The following PROM1 variants were observed in gnomAD, a reference collection of about 807,000 sequenced individuals.
The protein encoded by PROM1 is prominin-1.
PROM1 carries 105 observed loss-of-function variants against 116.9 expected under a neutral mutation model. That is an observed-to-expected ratio of 0.90 (90% CI 0.77 to 1.06). The LOEUF (loss-of-function observed/expected upper bound fraction) is 1.06. Ranked by LOEUF, PROM1 falls within the 50% of genes least tolerant of loss-of-function variation. The pLI, the probability that PROM1 is intolerant of heterozygous loss-of-function variation, is 0.00. For synonymous variants in PROM1, 393 were observed against 387.0 expected (o/e 1.02, Z -0.18); for missense variants, 1,122 against 1,045.2 (o/e 1.07, Z -1.01).
At chr4:16,049,126 A>T (rs1361564003) in intron 2 of PROM1, among the ~76,000 whole-genome samples, 1 of 152,236 alleles carries the variant, frequency 6.6e-6, no homozygotes, top group Non-Finnish European at 1.5e-5. Flanking sequence ...CACTGCCAAA[A>T]TATTTGTGGA....
chr4:16,039,569 C>T (rs1301338448), intron 2 of PROM1, among the ~76,000 whole-genome samples: 2 of 152,106 alleles, frequency 1.3e-5, no homozygotes, highest in Admixed American at 1.3e-4. Flanking sequence ...GAAACTCCGT[C>T]TCTACTAAAA....
chr4:16,082,157 A>G (rs1745162108), intron 1 of PROM1: 1 of 152,152 alleles, frequency 6.6e-6, no homozygotes, highest in South Asian at 2.1e-4. Context: ...GCTAGCATCA[A>G]TACTCTGAGC....
chr4:16,038,909 C>T lies in PROM1; in HGVS notation c.276+37G>A, dbSNP rs774639107. 309 of 1,439,300 alleles carry T rather than the reference C, an allele frequency of 2.1e-4. 1 individual carries two copies. Among genetic ancestry groups the T allele is most frequent in the Non-Finnish European group, 2.3e-4 (250 of 1,092,300 alleles). 89.2% of individuals were successfully genotyped at this position (1,439,300 alleles called of 1,614,324 possible). On this transcript the variant is annotated intron_variant, in intron 3 of 27. Coordinates refer to ENST00000447510, the MANE Select transcript of PROM1 (RefSeq NM_006017.3). ...GTCAGCCAAAATTTTTCTCATACTT[C>T]GTATTTTTAATAATAAATACACCAA...
At chr4:16,021,098 C>CAAAA (rs34850856) in intron 8 of PROM1, among the ~76,000 whole-genome samples, 14,649 of 129,778 alleles carry the variant, frequency 0.11, 998 homozygotes, top group African/African-American at 0.13. Flanking sequence ...CATTTTTAGC[C>CAAAA]AAAAAAAAAA....
At chr4:15,992,141 TA>T (rs1721213524) in intron 17 of PROM1, 106 bp downstream of exon 17, 1 of 1,431,448 alleles carries the variant, frequency 7.0e-7, no homozygotes. Context: ...AAAATAGTCT[TA>T]CATCATGTGA....
At chr4:16,063,128 A>G (rs948090181) in intron 2 of PROM1, among the ~76,000 whole-genome samples, 3 of 152,194 alleles carry the variant, frequency 2.0e-5, no homozygotes, top group Non-Finnish European at 2.9e-5. Context: ...TCTGATCTCT[A>G]TAAGTACTAG....
intron 13 of PROM1, chr4:16,003,265 T>A: frequency 2.2e-6 from 1 of 456,684 alleles, no homozygotes; most frequent in South Asian, 1.5e-5. Context: ...GTAGGCTGTT[T>A]CCAGTGCTTC....
At chr4:16,025,465 C>T (rs1423698356) in intron 5 of PROM1, among the ~76,000 whole-genome samples, 153 bp from the exon 6 acceptor site, 2 of 152,188 alleles carry the variant, frequency 1.3e-5, no homozygotes, top group Non-Finnish European at 2.9e-5. Flanking sequence ...TCCTTCCCAC[C>T]GCCATCCCAC....
At chr4:15,972,759 T>C (rs1247148215) in intron 26 of PROM1, among the ~76,000 whole-genome samples, 3 of 151,986 alleles carry the variant, frequency 2.0e-5, no homozygotes, top group Non-Finnish European at 4.4e-5. Flanking sequence ...AATAAAGCAA[T>C]AAAATAAAGA....
chr4:16,002,337 G>A (rs1317981012), intron 13 of PROM1, among the ~76,000 whole-genome samples: 4 of 152,164 alleles, frequency 2.6e-5, no homozygotes, highest in African/African-American at 4.8e-5. Context: ...TACCCGGTGC[G>A]TAGCTTTTCT....
chr4:16,016,042 C>T, intron 10 of PROM1, 124 bp downstream of exon 10: 1 of 827,498 alleles, frequency 1.2e-6, no homozygotes, highest in Admixed American at 2.5e-5. Flanking sequence ...TAATAGCTAT[C>T]ACCCTTCTTG....
At chr4:16,073,118 A>G (rs2149571812) in intron 2 of PROM1, among the ~76,000 whole-genome samples, 1 of 152,210 alleles carries the variant, frequency 6.6e-6, no homozygotes, top group East Asian at 1.9e-4. Context: ...CTCCACTGCA[A>G]TTCCTCTAAA....
rs1382741685 is a variant in PROM1 at position 15,979,971 on chromosome 4, TC to T, written c.2490-68del. 4.2e-6 allele frequency: 4 copies of T among 946,638 alleles called. 1 individual carries two copies. Among genetic ancestry groups the T allele is most frequent in the Non-Finnish European group, 6.3e-6 (4 of 631,150 alleles). The allele number at this position is 946,638 out of a possible 1,614,324, so 58.6% of individuals were successfully genotyped here. A position where few individuals can be genotyped will look rare whatever the true frequency, so the allele number is the denominator to read the frequency against. On this transcript the variant is annotated intron_variant, in intron 24 of 27. Coordinates refer to ENST00000447510, the MANE Select transcript of PROM1 (RefSeq NM_006017.3). ...TTATTATGAAAGCTCAGCAACTACATCCCCCAAATATTTACTCTAACACGGA... is the reference window on the plus strand; with the variant it reads ...TTATTATGAAAGCTCAGCAACTACATCCCCAAATATTTACTCTAACACGGA...
chr4:16,002,253 A>G (rs1024086589), intron 13 of PROM1, among the ~76,000 whole-genome samples: 8 of 152,198 alleles, frequency 5.3e-5, no homozygotes, highest in African/African-American at 1.4e-4. Flanking sequence ...CAAAAGAAAT[A>G]AAAGAAAAGA....
intron 5 of PROM1, among the ~76,000 whole-genome samples, chr4:16,026,443 C>T (rs1731303210): frequency 6.6e-6 from 1 of 150,966 alleles, no homozygotes; most frequent in Non-Finnish European, 1.5e-5. Flanking sequence ...TGTAATCATC[C>T]AGTGGAAGAT....
intron 8 of PROM1, among the ~76,000 whole-genome samples, chr4:16,022,570 C>T (rs1730175049): frequency 6.6e-6 from 1 of 151,082 alleles, no homozygotes; most frequent in African/African-American, 2.5e-5. Context: ...ACGCAATTCT[C>T]TTCTTTATGG....
intron 4 of PROM1, among the ~76,000 whole-genome samples, chr4:16,035,063 TAA>T (rs969936968): frequency 2.0e-5 from 3 of 152,068 alleles, no homozygotes; most frequent in African/African-American, 7.2e-5. Flanking sequence ...TTAAATTGCT[TAA>T]AAAAAAGAGT....
chr4:16,011,067 C>T (rs1726770564), intron 11 of PROM1, among the ~76,000 whole-genome samples: 1 of 152,136 alleles, frequency 6.6e-6, no homozygotes, highest in African/African-American at 2.4e-5. Context: ...AGGAGCAGCT[C>T]CTAGGGCCCC....
chr4:16,037,068 C>T (rs1408518935), intron 3 of PROM1, among the ~76,000 whole-genome samples: 6 of 152,186 alleles, frequency 3.9e-5, no homozygotes, highest in African/African-American at 7.2e-5. Context: ...CTGCCAGGGA[C>T]GGTGGCAGCC....
Sources: allele counts gnomAD v4.1 joint callset (sites outside exome capture counted in the v4.1 genomes callset), GRCh38; gene constraint gnomAD v4.1.1; transcripts MANE v1.5; gene names NCBI Gene and HGNC (gene_info 2026-07-23, HGNC 2026-07-21).